Variants in TWSG1 observed in about 807,000 individuals in gnomAD.
The protein encoded by TWSG1 is twisted gastrulation protein homolog 1.
In TWSG1, 15 loss-of-function variants were observed where a neutral mutation model predicts 23.0. The observed-to-expected ratio is 0.65, with a 90% CI of 0.44 to 1.00. The LOEUF (loss-of-function observed/expected upper bound fraction) is 1.00, where lower values mean the gene tolerates loss of function less well. Among genes scored for constraint, TWSG1 ranks in the 50% least tolerant of loss-of-function variants. The probability of loss-of-function intolerance (pLI) is 0.00; values close to 1 mark genes in which losing one functional copy is unlikely to be tolerated. For synonymous variants in TWSG1, 86 were observed against 92.8 expected, an observed-to-expected ratio of 0.93 and a Z score of 0.42; for missense variants, 242 against 278.7, an observed-to-expected ratio of 0.87 and a Z score of 0.94.
intron 2 of TWSG1, among the ~76,000 whole-genome samples, chr18:9,348,392 T>G (rs2045939842): frequency 6.6e-6 from 1 of 152,220 alleles, no homozygotes; most frequent in South Asian, 2.1e-4. Flanking sequence ...TGCCAGTGAT[T>G]GTTAACTGGG....
intron 3 of TWSG1, among the ~76,000 whole-genome samples, chr18:9,377,638 A>C (rs1031933520): frequency 2.0e-5 from 3 of 152,212 alleles, no homozygotes; most frequent in African/African-American, 7.2e-5. Context: ...GACCTAAATA[A>C]ATGTAAACAC....
chr18:9,342,535 TTTTG>T (rs1035896999), intron 2 of TWSG1, among the ~76,000 whole-genome samples: 42 of 152,304 alleles, frequency 2.8e-4, no homozygotes, highest in African/African-American at 9.1e-4. Flanking sequence ...TCTTGAATGA[TTTTG>T]TTTTTCTTGA....
intron 2 of TWSG1, among the ~76,000 whole-genome samples, chr18:9,351,176 A>C (rs1303395059): frequency 6.6e-6 from 1 of 152,012 alleles, no homozygotes; most frequent in Non-Finnish European, 1.5e-5. Flanking sequence ...ATTAAACTGG[A>C]TCTTAAGAAG....
At chr18:9,376,838 A>C (rs936501106) in intron 3 of TWSG1, among the ~76,000 whole-genome samples, 18 of 151,780 alleles carry the variant, frequency 1.2e-4, no homozygotes, top group African/African-American at 4.4e-4. Context: ...TCTCCAAAAA[A>C]AAAAAAAAAA....
In TWSG1 at chr18:9,393,905, A is replaced by G. The variant is rs945709425; in HGVS notation, c.224-2375A>G. On this transcript the variant is annotated intron_variant, in intron 3 of 4. Transcript: ENST00000262120. ...TTCATTTTGAAATAATCTCAAATAT[A>G]GAGAAATTTGCCAGAAGGATAAAAA... 5.3e-5 allele frequency among the ~76,000 whole-genome samples: 8 copies of G among 152,220 alleles called. No individual in the cohort carries two copies. The East Asian group carries it at 9.6e-4, about 18-fold the overall frequency.
chr18:9,342,534 ATT>A (rs1369139314), intron 2 of TWSG1, among the ~76,000 whole-genome samples: 1 of 152,056 alleles, frequency 6.6e-6, no homozygotes, highest in Non-Finnish European at 1.5e-5. Flanking sequence ...TTCTTGAATG[ATT>A]TTGTTTTTCT....
chr18:9,355,325 T>C (rs1239197285), intron 2 of TWSG1, among the ~76,000 whole-genome samples: 2 of 152,184 alleles, frequency 1.3e-5, no homozygotes, highest in Non-Finnish European at 2.9e-5. Flanking sequence ...TTTTATGTTT[T>C]TCTGTAATCC....
chr18:9,379,568 C>T (rs1169949883), intron 3 of TWSG1, among the ~76,000 whole-genome samples: 1 of 152,144 alleles, frequency 6.6e-6, no homozygotes, highest in African/African-American at 2.4e-5. Context: ...GGGTACTATG[C>T]TTGGTATTCA....
intron 3 of TWSG1, among the ~76,000 whole-genome samples, chr18:9,382,815 AAAAAC>A (rs1320586131): frequency 5.4e-4 from 1 of 1,850 alleles, no homozygotes; most frequent in Non-Finnish European, 0.011. Flanking sequence ...TCAAAAAAAA[AAAAAC>A]AAAAACAAAA....
chr18:9,365,733 G>A (rs889641255), intron 3 of TWSG1, among the ~76,000 whole-genome samples: 20 of 152,092 alleles, frequency 1.3e-4, no homozygotes, highest in African/African-American at 4.6e-4. Flanking sequence ...AGGCCCAGAG[G>A]CTCACACCTG....
intron 2 of TWSG1, among the ~76,000 whole-genome samples, chr18:9,356,588 A>T (rs1313083246): frequency 6.6e-6 from 1 of 152,210 alleles, no homozygotes; most frequent in Non-Finnish European, 1.5e-5. Context: ...TTCTTTGAAT[A>T]GATTTGTTAC....
intron 1 of TWSG1, among the ~76,000 whole-genome samples, chr18:9,336,300 G>A (rs1048054416): frequency 6.6e-6 from 1 of 151,984 alleles, no homozygotes; most frequent in African/African-American, 2.4e-5. Flanking sequence ...GCTGAGACAG[G>A]AGAATCGCAT....
chr18:9,390,230 G>A (rs1032737293), intron 3 of TWSG1, among the ~76,000 whole-genome samples: 3 of 151,832 alleles, frequency 2.0e-5, no homozygotes, highest in African/African-American at 7.3e-5. Flanking sequence ...GCGCGATCTC[G>A]GTTCACTGCA....
intron 3 of TWSG1, among the ~76,000 whole-genome samples, chr18:9,361,357 T>C (rs193225474): frequency 5.3e-5 from 8 of 152,360 alleles, no homozygotes; most frequent in Non-Finnish European, 7.3e-5. Context: ...TTTTTCCTTC[T>C]ACTCCTTGCA....
chr18:9,390,222 G>A (rs997267662), intron 3 of TWSG1, among the ~76,000 whole-genome samples: 5 of 151,642 alleles, frequency 3.3e-5, no homozygotes, highest in East Asian at 3.9e-4. Flanking sequence ...GTGCAGTGGC[G>A]CGATCTCGGT....
intron 2 of TWSG1, 68 bp from the exon 3 acceptor site, chr18:9,359,904 G>C: frequency 1.6e-6 from 2 of 1,265,378 alleles, no homozygotes; most frequent in Non-Finnish European, 2.3e-6. Flanking sequence ...AGGGTTTTTT[G>C]CTTAAAAAGT....
intron 2 of TWSG1, among the ~76,000 whole-genome samples, chr18:9,345,621 TTTTATGCTAGTACCA>T (rs1201133960): frequency 3.9e-5 from 6 of 152,220 alleles, no homozygotes; most frequent in African/African-American, 1.4e-4. Context: ...ATATCTCTAT[TTTTATGCTAGTACCA>T]CATTGTCTTG....
chr18:9,375,843 TG>T (rs2040627793), intron 3 of TWSG1, among the ~76,000 whole-genome samples: 1 of 152,094 alleles, frequency 6.6e-6, no homozygotes, highest in Admixed American at 6.5e-5. Flanking sequence ...ATTAAATAAA[TG>T]GGGGATATTC....
intron 3 of TWSG1, among the ~76,000 whole-genome samples, chr18:9,376,108 G>A (rs1358559515): frequency 6.6e-6 from 1 of 151,952 alleles, no homozygotes; most frequent in Non-Finnish European, 1.5e-5. Flanking sequence ...TTAGAGAAAG[G>A]GTTTCACCAT....
Sources: allele counts gnomAD v4.1 joint callset (sites outside exome capture counted in the v4.1 genomes callset), GRCh38; gene constraint gnomAD v4.1.1; transcripts MANE v1.5; gene names NCBI Gene and HGNC (gene_info 2026-07-23, HGNC 2026-07-21).